Variants in ACOX1 observed in about 807,000 individuals in gnomAD.
ACOX1 encodes the protein peroxisomal acyl-coenzyme A oxidase 1.
Under a neutral mutation model 75.5 loss-of-function variants are expected in ACOX1, and 41 were observed. That is an observed-to-expected ratio of 0.54 (90% CI 0.42 to 0.70). ACOX1 has a LOEUF of 0.70. ACOX1 is among the 30% of genes least tolerant of loss of function. The pLI is 0.00. For synonymous variants in ACOX1, 303 were observed against 298.8 expected, an observed-to-expected ratio of 1.01 and a Z score of -0.15; for missense variants, 630 against 837.5, an observed-to-expected ratio of 0.75 and a Z score of 3.06.
rs1479547895 is a variant in ACOX1, at chr17:75,944,163, G to A, written c.*2585C>T. ...GAGGGAGGACCATTTGAACCCGGGA[G>A]GCAGAGGTCACAGTAAGCCAAGATC... On this transcript the variant is annotated 3_prime_UTR_variant, in exon 14 of 14. Coordinates refer to ENST00000293217, the MANE Select transcript of ACOX1 (RefSeq NM_004035.7). 1 of 152,186 alleles carries A rather than the reference G, an allele frequency of 6.6e-6. No individual in the cohort carries two copies. Among genetic ancestry groups the A allele is most frequent in the Non-Finnish European group, 1.5e-5 (1 of 68,054 alleles). 9.4% of individuals were successfully genotyped at this position (152,186 alleles called of 1,614,324 possible).
At chr17:75,955,521 A>G in intron 6 of ACOX1, 45 bp downstream of exon 6, 2 of 1,511,472 alleles carry the variant, frequency 1.3e-6, no homozygotes, top group Non-Finnish European at 1.8e-6. Context: ...CAGCCACTCA[A>G]CTCCACTGTT....
At chr17:75,956,382 A>AGTT (rs2144256996) in intron 4 of ACOX1, among the ~76,000 whole-genome samples, 1 of 152,234 alleles carries the variant, frequency 6.6e-6, no homozygotes, top group African/African-American at 2.4e-5. Flanking sequence ...CTCAGAATGG[A>AGTT]ATAAGAAGAT....
chr17:75,955,972 A>G (rs1249791716), intron 4 of ACOX1, 25 bp from the exon 5 acceptor site: 11 of 1,439,996 alleles, frequency 7.6e-6, no homozygotes, highest in Non-Finnish European at 1.1e-5. Flanking sequence ...AGAACAAGGG[A>G]GGGGTGGGCA....
chr17:75,978,082 C>CTTTATTTATTTATTTATTTATTTATTTA lies in ACOX1; in HGVS notation c.269+451_269+452insTAAATAAATAAATAAATAAATAAATAAA, dbSNP rs149370934. 1.5e-4 allele frequency among the ~76,000 whole-genome samples: 22 copies of CTTTATTTATTTATTTATTTATTTATTTA among 151,514 alleles called. No individual in the cohort carries two copies. Among genetic ancestry groups the CTTTATTTATTTATTTATTTATTTATTTA allele is most frequent in the Non-Finnish European group, 8.8e-5 (6 of 67,880 alleles). Reference sequence around the variant, plus strand: ...ATCACATTATTTTTCACACATATAACTTTATTTATTTATTTATTTATTTAT... The same window carrying CTTTATTTATTTATTTATTTATTTATTTA: ...ATCACATTATTTTTCACACATATAACTTTATTTATTTATTTATTTATTTATTTATTTATTTATTTATTTATTTATTTAT... On this transcript the variant is annotated intron_variant, in intron 2 of 13. Coordinates refer to ENST00000293217, the MANE Select transcript of ACOX1 (RefSeq NM_004035.7). This position sits in a 1 kb window ranked among gnomAD's most constrained non-coding sequence, Gnocchi z 4.2.
intron 13 of ACOX1, 62 bp from the exon 14 acceptor site, chr17:75,946,857 G>GT: frequency 2.7e-6 from 4 of 1,498,536 alleles, no homozygotes; most frequent in Non-Finnish European, 2.8e-6. Flanking sequence ...ATAGTATACT[G>GT]TTTTTTGTTT....
Position 75,953,606 on chromosome 17 carries a change from G to A in ACOX1, c.789C>T (p.Gly263=). ...LMKYAQVKPD[G]TYVKPLSNKL... ...TGTTACTCAGCGGTTTCACGTATGT[G>A]CCATCAGGCTTCACCTGGAAGAAGA... is the stretch of plus-strand genomic sequence containing the variant. Residue 263 remains glycine (G), a synonymous_variant, in exon 7 of 14, where the codon GGC becomes GGT. Transcript: ENST00000293217. 6.2e-7 allele frequency: 1 copy of A among 1,614,100 alleles called. No individual in the cohort carries two copies.
At chr17:75,966,169 AAAAT>A (rs2144289694) in intron 2 of ACOX1, among the ~76,000 whole-genome samples, 1 of 150,654 alleles carries the variant, frequency 6.6e-6, no homozygotes, top group Admixed American at 6.6e-5. Flanking sequence ...AATAAAATAA[AAAAT>A]AAAGGCCAGG....
chr17:75,959,016 TTA>T (rs1380403812), intron 3 of ACOX1, among the ~76,000 whole-genome samples: 1 of 152,122 alleles, frequency 6.6e-6, no homozygotes, highest in African/African-American at 2.4e-5. Flanking sequence ...AGACAGGATC[TTA>T]TGTTTTAAAT....
Position 75,958,579 on chromosome 17 carries a change from C to T in ACOX1, c.431-1013G>A, listed in dbSNP as rs187216061. On this transcript the variant is annotated intron_variant, in intron 3 of 13. Coordinates refer to ENST00000293217, the MANE Select transcript of ACOX1 (RefSeq NM_004035.7). ...ATCCCAGCACTTTGGGGGGCCAAGG[C>T]GGGCGGATCACAAAGTCAGGAGATC... Among the ~76,000 whole-genome samples the T allele has an allele frequency of 4.9e-3, 736 of 150,248 alleles. 16 individuals are homozygous for T. Among genetic ancestry groups the T allele is most frequent in the Admixed American group, 0.017 (250 of 15,098 alleles).
intron 2 of ACOX1, among the ~76,000 whole-genome samples, chr17:75,977,547 C>T (rs1027662785): frequency 1.3e-5 from 2 of 152,048 alleles, no homozygotes; most frequent in Admixed American, 1.3e-4. Context: ...GCCTGGGCGA[C>T]AGAGCGAGAC....
In ACOX1 at chr17:75,945,661, A is replaced by G. The variant is rs2065713227; in HGVS notation, c.*1087T>C. Reference sequence around the variant, plus strand: ...AAATTAGATTTCAACTGAAAGGACAATTAGCGATTCAGAGAAAGCTCCTAG... The same window carrying G: ...AAATTAGATTTCAACTGAAAGGACAGTTAGCGATTCAGAGAAAGCTCCTAG... On this transcript the variant is annotated 3_prime_UTR_variant, in exon 14 of 14. Coordinates refer to ENST00000293217, the MANE Select transcript of ACOX1 (RefSeq NM_004035.7). The G allele has an allele frequency of 6.5e-6, 1 of 153,792 alleles. No homozygotes were observed. The highest frequency in any genetic ancestry group is 1.5e-5 in the Non-Finnish European group (1 of 68,056). The allele number at this position is 153,792 out of a possible 1,614,324, so 9.5% of individuals were successfully genotyped here.
chr17:75,947,351 A>G (rs140875878), intron 13 of ACOX1, among the ~76,000 whole-genome samples: 1,560 of 150,402 alleles, frequency 0.01, 15 homozygotes, highest in Non-Finnish European at 0.016. Context: ...AGGCTCAAGC[A>G]ATTCTCCTGT....
At chr17:75,959,744 C>G (rs2065871324) in intron 3 of ACOX1, among the ~76,000 whole-genome samples, 1 of 152,172 alleles carries the variant, frequency 6.6e-6, no homozygotes, top group East Asian at 1.9e-4. Context: ...CAAATAACTC[C>G]AAAATGTCAC....
rs2065682695 is a variant in ACOX1 at position 75,942,614 on chromosome 17, C to T, written c.*4134G>A. ...AAAACCTTTATCTAAGTCAGAACATCAACAAGACTCTTGGTCTCAGGTCAT... is the reference window on the plus strand; with the variant it reads ...AAAACCTTTATCTAAGTCAGAACATTAACAAGACTCTTGGTCTCAGGTCAT... On this transcript the variant is annotated 3_prime_UTR_variant, in exon 14 of 14. Coordinates refer to ENST00000293217, the MANE Select transcript of ACOX1 (RefSeq NM_004035.7). The T allele has an allele frequency of 6.6e-6, 1 of 152,052 alleles. No individual in the cohort carries two copies. The allele number at this position is 152,052 out of a possible 1,614,324, so 9.4% of individuals were successfully genotyped here. A position where few individuals can be genotyped will look rare whatever the true frequency, so the allele number is the denominator to read the frequency against.
chr17:75,965,211 G>A (rs999817105), intron 2 of ACOX1, among the ~76,000 whole-genome samples: 8 of 151,724 alleles, frequency 5.3e-5, no homozygotes, highest in Non-Finnish European at 1.0e-4. Flanking sequence ...GGTGGCGGGC[G>A]CCTGTAGTCC....
chr17:75,967,661 CATATATATACATATATATACGTATAT>C (rs2065947276), intron 2 of ACOX1, among the ~76,000 whole-genome samples: 1 of 93,304 alleles, frequency 1.1e-5, no homozygotes, highest in Non-Finnish European at 2.0e-5. Flanking sequence ...TATATACATA[CATATATATACATATATATACGTATAT>C]ATATACATAC....
chr17:75,968,653 T>G lies in ACOX1; in HGVS notation c.270-8278A>C, dbSNP rs190651841. Among the ~76,000 whole-genome samples, 489 of 145,952 alleles carry G rather than the reference T, an allele frequency of 3.4e-3. 2 individuals are homozygous for G. The highest frequency in any genetic ancestry group is 0.011 in the African/African-American group (435 of 39,152). On this transcript the variant is annotated intron_variant, in intron 2 of 13. Coordinates refer to ENST00000293217, the MANE Select transcript of ACOX1 (RefSeq NM_004035.7). Reference sequence around the variant, plus strand: ...ATATATTAAAGTAGGCCATGTGCAGTGGCTCATGCCTGTAATCCCAGCACT... The same window carrying G: ...ATATATTAAAGTAGGCCATGTGCAGGGGCTCATGCCTGTAATCCCAGCACT...
At chr17:75,973,122 A>G (rs2066012270) in intron 2 of ACOX1, among the ~76,000 whole-genome samples, 1 of 152,232 alleles carries the variant, frequency 6.6e-6, no homozygotes, top group Non-Finnish European at 1.5e-5. Context: ...AAAAATGTCT[A>G]AAAAGACTGA....
Position 75,948,242 on chromosome 17 carries a change from GATTTTT to G in ACOX1, c.1935+3_1935+8del, listed in dbSNP as rs2065739923. On this transcript the variant is annotated splice_donor_5th_base_variant and intron_variant, in intron 13 of 13. Coordinates refer to ENST00000293217, the MANE Select transcript of ACOX1 (RefSeq NM_004035.7). ...CTTTTAAAAAGGTGCAGAGACACTG[GATTTTT>G]ACCTCTGCTTTGTTCAGTGGGGAGT... 4 of 1,613,706 alleles carry G rather than the reference GATTTTT, an allele frequency of 2.5e-6. No homozygotes were observed. In the East Asian group the frequency reaches 8.9e-5, roughly 36 times the overall value.
Sources: gnomAD v4.1 joint callset for allele counts (sites outside exome capture counted in the v4.1 genomes callset) on GRCh38, gnomAD v4.1.1 for gene constraint, Gnocchi (gnomAD v3.1) non-coding constraint, MANE v1.5 for transcripts, NCBI Gene and HGNC (gene_info 2026-07-23, HGNC 2026-07-21) for gene names.